SHQ1: variants seen among roughly 807,000 people sequenced by gnomAD.
The protein encoded by SHQ1 is SHQ1, H/ACA ribonucleoprotein assembly factor, also known as protein SHQ1 homolog.
Under a neutral mutation model 53.8 loss-of-function variants are expected in SHQ1, and 49 were observed. That is an observed-to-expected ratio of 0.91 (90% confidence interval 0.72 to 1.16). SHQ1 has a LOEUF of 1.16. SHQ1 is among the 50% of genes most tolerant of loss of function. SHQ1 has a pLI of 0.00. For synonymous variants in SHQ1, 243 were observed against 251.0 expected, an observed-to-expected ratio of 0.97 and a Z score of 0.30; for missense variants, 738 against 683.1, an observed-to-expected ratio of 1.08 and a Z score of -0.90.
At chr3:72,733,484 T>C in the SHQ1 span, among the ~76,000 whole-genome samples, 1 of 151,462 alleles carries the variant, frequency 6.6e-6, no homozygotes, top group African/African-American at 2.4e-5. Flanking sequence ...ATAGAGTCAC[T>C]AGAAACCAGT....
the SHQ1 span, among the ~76,000 whole-genome samples, chr3:72,732,391 T>C: frequency 7.8e-6 from 1 of 127,642 alleles, no homozygotes; most frequent in African/African-American, 3.2e-5. Context: ...CCTGCCTGCC[T>C]TCCTTCCTTC....
At chr3:72,725,283 C>T in the SHQ1 span, among the ~76,000 whole-genome samples, 1 of 152,158 alleles carries the variant, frequency 6.6e-6, no homozygotes, top group Admixed American at 6.6e-5. Flanking sequence ...CACGCACACT[C>T]AGGCTTTATT....
At chr3:72,821,243 T>C (rs1475397673) in intron 6 of SHQ1, among the ~76,000 whole-genome samples, 1 of 152,172 alleles carries the variant, frequency 6.6e-6, no homozygotes, top group Non-Finnish European at 1.5e-5. Context: ...CCAAACAGGA[T>C]GTCCCTGCTA....
chr3:72,750,941 T>C, intron 10 of SHQ1, 105 bp from the exon 11 acceptor site: 1 of 871,412 alleles, frequency 1.1e-6, no homozygotes, highest in East Asian at 2.7e-5. Flanking sequence ...ATATTTTAAA[T>C]GGCACACCAG....
chr3:72,813,180 A>C (rs1309612672), intron 8 of SHQ1, among the ~76,000 whole-genome samples: 1 of 152,324 alleles, frequency 6.6e-6, no homozygotes, highest in South Asian at 2.1e-4. Flanking sequence ...CAGATCAAAA[A>C]TGTAGAACTC....
chr3:72,741,734 A>G, the SHQ1 span, among the ~76,000 whole-genome samples: 1 of 152,130 alleles, frequency 6.6e-6, no homozygotes, highest in Non-Finnish European at 1.5e-5. Context: ...ATTCAAGGGG[A>G]TGCAGTTGGC....
At chr3:72,738,206 C>T in the SHQ1 span, among the ~76,000 whole-genome samples, 1 of 152,210 alleles carries the variant, frequency 6.6e-6, no homozygotes, top group Admixed American at 6.5e-5. Context: ...CCCACTGCAC[C>T]CTGTGCCCAA....
chr3:72,739,595 A>G, the SHQ1 span, among the ~76,000 whole-genome samples: 1 of 152,244 alleles, frequency 6.6e-6, no homozygotes, highest in Admixed American at 6.5e-5. Flanking sequence ...TGGAGACAGT[A>G]TCGGCCCCAC....
chr3:72,793,223 T>C (rs111532799), intron 9 of SHQ1, 187 bp from the exon 10 acceptor site: 1 of 472,334 alleles, frequency 2.1e-6, no homozygotes, highest in Non-Finnish European at 3.7e-6. Flanking sequence ...ACATACAATC[T>C]TTGGCCAGGC....
At chr3:72,771,223 G>A (rs1044237885) in intron 10 of SHQ1, among the ~76,000 whole-genome samples, 4 of 152,146 alleles carry the variant, frequency 2.6e-5, no homozygotes, top group African/African-American at 9.7e-5. Context: ...GTTCCACAGC[G>A]CCTAACCTTG....
At chr3:72,748,696 A>G (rs1453129081), downstream of SHQ1, among the ~76,000 whole-genome samples, 1 of 134,582 alleles carries the variant, frequency 7.4e-6, no homozygotes, top group African/African-American at 3.8e-5. Context: ...AGCTCAAACA[A>G]AACAAAACAA....
the SHQ1 span, among the ~76,000 whole-genome samples, chr3:72,730,260 CAT>C: frequency 6.6e-6 from 1 of 152,136 alleles, no homozygotes; most frequent in East Asian, 1.9e-4. Context: ...GGACTACAGA[CAT>C]GTGTCACCAC....
At chr3:72,787,007 A>G (rs1706252370) in intron 10 of SHQ1, among the ~76,000 whole-genome samples, 2 of 152,346 alleles carry the variant, frequency 1.3e-5, no homozygotes, top group South Asian at 4.1e-4. Flanking sequence ...CAACTCAAGA[A>G]TCTAAAGCAA....
At chr3:72,741,925 AC>A in the SHQ1 span, among the ~76,000 whole-genome samples, 757 of 152,378 alleles carry the variant, frequency 5.0e-3, 3 homozygotes, top group Non-Finnish European at 8.3e-3. Context: ...TTTAAAGCAT[AC>A]AAGAGAATGG....
chr3:72,750,366 T>A lies in SHQ1; in HGVS notation c.1652A>T (p.Gln551Leu). The change falls in exon 11 of 11, where the codon CAG becomes CTG. Residue 551 changes from glutamine (Q) to leucine (L), a missense_variant. Physicochemically the swap from Gln to Leu is moderately radical, Grantham distance 113. Coordinates refer to ENST00000325599, the MANE Select transcript of SHQ1 (RefSeq NM_018130.3). ...ELGEQLKTTV[Q>L]VSEPKGTTAV... The stretch of plus-strand genomic sequence containing the variant: ...AGTGGTGCCCTTGGGTTCAGAAACC[T>A]GAACTGTAGTCTTCAGTTGTTCCCC... The A allele has an allele frequency of 6.2e-7, 1 of 1,614,202 alleles. No homozygotes were observed. Among genetic ancestry groups the A allele is most frequent in the Non-Finnish European group, 8.5e-7 (1 of 1,180,026 alleles).
chr3:72,835,616 C>T (rs890507344), intron 4 of SHQ1, among the ~76,000 whole-genome samples: 2 of 152,178 alleles, frequency 1.3e-5, no homozygotes, highest in African/African-American at 2.4e-5. Context: ...ACTCTAACTG[C>T]GCTGAGAGTA....
chr3:72,844,041 T>C (rs1708255853), intron 2 of SHQ1, among the ~76,000 whole-genome samples: 1 of 152,240 alleles, frequency 6.6e-6, no homozygotes, highest in Non-Finnish European at 1.5e-5. Flanking sequence ...ATAAGTCATC[T>C]ACATTTTTTA....
intron 4 of SHQ1, among the ~76,000 whole-genome samples, chr3:72,838,986 A>T (rs909915004): frequency 6.6e-6 from 1 of 152,014 alleles, no homozygotes; most frequent in Non-Finnish European, 1.5e-5. Context: ...TTAAGTGAAC[A>T]TTTTCAAGAT....
rs762002222 is a variant in SHQ1 at position 72,750,489 on chromosome 3, C to T, written c.1529G>A (p.Arg510His). ...SAFLIVDGGV[R>H]RNTAIQESDA... ...AGACTCCTGGATGGCTGTGTTTCTG[C>T]GTACTCCACCATCAACAATAAGAAA... The change falls in exon 11 of 11, where the codon CGC becomes CAC. Residue 510 changes from arginine (R) to histidine (H), a missense_variant. Coordinates refer to ENST00000325599, the MANE Select transcript of SHQ1 (RefSeq NM_018130.3). 1.2e-5 allele frequency: 20 copies of T among 1,614,032 alleles called. No individual in the cohort carries two copies. The highest frequency in any genetic ancestry group is 5.5e-5 in the South Asian group (5 of 91,084).
Sources: allele counts gnomAD v4.1 joint callset (sites outside exome capture counted in the v4.1 genomes callset), GRCh38; gene constraint gnomAD v4.1.1; transcripts MANE v1.5; gene names NCBI Gene and HGNC (gene_info 2026-07-23, HGNC 2026-07-21).